CTNNA3: variants seen among roughly 807,000 people sequenced by gnomAD.
The protein encoded by CTNNA3 is catenin alpha 3.
In CTNNA3, 76 loss-of-function variants were observed where a neutral mutation model predicts 95.7. That is an observed-to-expected ratio of 0.79 (90% CI 0.66 to 0.96). The LOEUF (loss-of-function observed/expected upper bound fraction) is 0.96, where lower values mean the gene tolerates loss of function less well. Among genes scored for constraint, CTNNA3 ranks in the 40% least tolerant of loss-of-function variants. The probability of loss-of-function intolerance (pLI) is 0.00; values close to 1 mark genes in which losing one functional copy is unlikely to be tolerated. For missense variants in CTNNA3, 1,191 were observed against 1,089.8 expected (o/e 1.09, Z -1.31); for synonymous variants, 431 against 374.4 (o/e 1.15, Z -1.74).
intron 7 of CTNNA3, among the ~76,000 whole-genome samples, chr10:66,934,970 TCAGA>T (rs1345941987): frequency 2.0e-5 from 3 of 152,116 alleles, no homozygotes; most frequent in Non-Finnish European, 4.4e-5. Flanking sequence ...GAAAATGTCA[TCAGA>T]CAGTGAAGCT....
chr10:66,209,481 T>C (rs915203495), intron 13 of CTNNA3, among the ~76,000 whole-genome samples: 1 of 152,268 alleles, frequency 6.6e-6, no homozygotes. Context: ...AGAGGTCATG[T>C]CATGCATACA....
At chr10:66,263,714 C>T (rs1428754747) in intron 13 of CTNNA3, among the ~76,000 whole-genome samples, 1 of 151,970 alleles carries the variant, frequency 6.6e-6, no homozygotes, top group African/African-American at 2.4e-5. Flanking sequence ...TCTCAACCTG[C>T]AATTAGAGTG....
chr10:66,977,136 TG>T (rs986351660), intron 7 of CTNNA3, among the ~76,000 whole-genome samples: 4 of 152,072 alleles, frequency 2.6e-5, no homozygotes, highest in African/African-American at 9.7e-5. Flanking sequence ...GGACCTATAA[TG>T]GGTAGAATAT....
intron 16 of CTNNA3, among the ~76,000 whole-genome samples, chr10:65,968,384 A>T (rs2078022941): frequency 6.6e-6 from 1 of 152,146 alleles, no homozygotes; most frequent in Non-Finnish European, 1.5e-5. Flanking sequence ...TCAAAAAATA[A>T]ATAAATAAAA....
chr10:66,911,086 T>C (rs1168426933), intron 7 of CTNNA3, among the ~76,000 whole-genome samples: 2 of 152,218 alleles, frequency 1.3e-5, no homozygotes, highest in Non-Finnish European at 2.9e-5. Flanking sequence ...GCTAGCCATG[T>C]GGAAGATAGA....
chr10:66,655,882 T>G (rs1468766357), intron 9 of CTNNA3, among the ~76,000 whole-genome samples: 2 of 152,192 alleles, frequency 1.3e-5, no homozygotes, highest in African/African-American at 4.8e-5. Context: ...ATTAAGTAAC[T>G]TCAGGCTCAA....
chr10:66,461,402 T>G (rs2093528278), intron 11 of CTNNA3, among the ~76,000 whole-genome samples: 1 of 152,170 alleles, frequency 6.6e-6, no homozygotes, highest in African/African-American at 2.4e-5. Flanking sequence ...TTCATAGCTA[T>G]TATAAATTGC....
At position 67,639,298 on chromosome 10, in the gene CTNNA3, T is replaced by A. The variant is rs188983494; in HGVS notation, c.99+8117A>T. 5.2e-4 allele frequency among the ~76,000 whole-genome samples: 79 copies of A among 152,214 alleles called. No individual in the cohort carries two copies. In the East Asian group the frequency reaches 0.011, roughly 21 times the overall value. On this transcript the variant is annotated intron_variant, in intron 2 of 17. Transcript: ENST00000433211. ...CTCGACACATACACCCTCCCAAGAC[T>A]AAACCAGGAAGAAGTTGAATCTCTG...
intron 10 of CTNNA3, among the ~76,000 whole-genome samples, chr10:66,619,110 G>T (rs942873059): frequency 5.9e-5 from 9 of 151,528 alleles, no homozygotes; most frequent in African/African-American, 1.5e-4. Context: ...TACACTGTTG[G>T]TGGGACTGTA....
chr10:66,892,118 A>G (rs1205855598), intron 7 of CTNNA3, among the ~76,000 whole-genome samples: 2 of 152,170 alleles, frequency 1.3e-5, no homozygotes, highest in African/African-American at 2.4e-5. Context: ...AGAAATAACC[A>G]TAATTCCTTT....
At chr10:66,278,808 G>C (rs1012549949) in intron 13 of CTNNA3, among the ~76,000 whole-genome samples, 6 of 152,032 alleles carry the variant, frequency 3.9e-5, no homozygotes, top group African/African-American at 1.4e-4. Flanking sequence ...ACTCTGGCAA[G>C]ACTATATCCT....
At chr10:66,624,208 T>G (rs1844851351) in intron 9 of CTNNA3, among the ~76,000 whole-genome samples, 1 of 152,084 alleles carries the variant, frequency 6.6e-6, no homozygotes, top group Admixed American at 6.6e-5. Context: ...GTTAATAAGC[T>G]TCTGATTATG....
At chr10:67,577,312 G>A (rs1842195656) in intron 3 of CTNNA3, among the ~76,000 whole-genome samples, 1 of 152,088 alleles carries the variant, frequency 6.6e-6, no homozygotes, top group African/African-American at 2.4e-5. Context: ...CAGTGTTTTG[G>A]CTGCATAAAT....
At chr10:66,668,951 C>T (rs1049866449) in intron 9 of CTNNA3, among the ~76,000 whole-genome samples, 9 of 152,072 alleles carry the variant, frequency 5.9e-5, no homozygotes, top group Admixed American at 2.0e-4. Flanking sequence ...ACCAAATTAT[C>T]TAAATGAGCC....
chr10:67,302,012 AAAGAAAGAAAG>A (rs1840323061), intron 5 of CTNNA3, among the ~76,000 whole-genome samples: 2 of 15,018 alleles, frequency 1.3e-4, no homozygotes, highest in Non-Finnish European at 2.0e-4. Context: ...CGAAAGAAAG[AAAGAAAGAAAG>A]AAAGAAAGAA....
chr10:67,535,768 C>T (rs1840469387), intron 4 of CTNNA3, among the ~76,000 whole-genome samples: 1 of 151,982 alleles, frequency 6.6e-6, no homozygotes. Flanking sequence ...ACTTCTATTT[C>T]TTGTAATAGC....
intron 5 of CTNNA3, among the ~76,000 whole-genome samples, chr10:67,230,128 A>T (rs1403061148): frequency 6.6e-6 from 1 of 152,246 alleles, no homozygotes; most frequent in Non-Finnish European, 1.5e-5. Context: ...ATAGGCACAT[A>T]GACCAATGGA....
chr10:66,454,809 G>A (rs56061393), intron 11 of CTNNA3, among the ~76,000 whole-genome samples: 7,054 of 143,982 alleles, frequency 0.049, 243 homozygotes, highest in East Asian at 0.11. Flanking sequence ...ATGAGAGGAG[G>A]GAGAGGAGGG....
In CTNNA3 at chr10:65,980,130, C is replaced by T. The variant is rs181073384; in HGVS notation, c.2265+8562G>A. 7.4e-4 allele frequency among the ~76,000 whole-genome samples: 112 copies of T among 151,768 alleles called. 1 individual carries two copies. The highest frequency in any genetic ancestry group is 2.0e-3 in the African/African-American group (82 of 41,450). The stretch of plus-strand genomic sequence containing the variant: ...AAGGTCCAGATAAATTAAATTAGAA[C>T]GAAATGGGAGATATTACTACTGATA... On this transcript the variant is annotated intron_variant, in intron 16 of 17. Coordinates refer to ENST00000433211, the MANE Select transcript of CTNNA3 (RefSeq NM_013266.4).
Sources: allele counts gnomAD v4.1 joint callset (sites outside exome capture counted in the v4.1 genomes callset), GRCh38; gene constraint gnomAD v4.1.1; transcripts MANE v1.5; gene names NCBI Gene and HGNC (gene_info 2026-07-23, HGNC 2026-07-21).